Variants in CORO7 observed in about 807,000 individuals in gnomAD.
CORO7 encodes the protein coronin-7.
CORO7 carries 107 observed loss-of-function variants against 126.6 expected under a neutral mutation model. The ratio of observed to expected loss-of-function variants is 0.85; its 90% CI spans 0.72 to 0.99. The LOEUF is 0.99. Ranked by LOEUF, CORO7 falls within the 50% of genes least tolerant of loss-of-function variation. CORO7 has a pLI of 0.00. For missense variants in CORO7, 1,314 were observed against 1,255.8 expected (o/e 1.05, Z -0.70); for synonymous variants, 603 against 536.8 (o/e 1.12, Z -1.70).
At chr16:4,363,788 G>A (rs1684068973) in intron 14 of CORO7, among the ~76,000 whole-genome samples, 1 of 151,552 alleles carries the variant, frequency 6.6e-6, no homozygotes, top group Admixed American at 6.6e-5. Context: ...GGAGGCCGAG[G>A]CGGGTGGATC....
chr16:4,357,715 C>A (rs1463246040), intron 25 of CORO7: 1 of 557,868 alleles, frequency 1.8e-6, no homozygotes, highest in Non-Finnish European at 3.0e-6. Context: ...AATGGAGCCT[C>A]ACTGTATAAG....
rs745353996 is a variant in CORO7, at chr16:4,382,640, C to T, written c.785+5346G>A. ...CCCGCCCTGGCCGCGGTGCTCCTGG[C>T]CGCGCTGGCTGCGGTGGGGGCAGCC... On this transcript the variant is annotated intron_variant, in intron 9 of 27. Coordinates refer to ENST00000251166, the MANE Select transcript of CORO7 (RefSeq NM_024535.5). 7.7e-6 allele frequency: 12 copies of T among 1,559,916 alleles called. No individual in the cohort carries two copies. The African/African-American group carries it at 1.6e-4, about 21-fold the overall frequency.
At chr16:4,405,992 G>C (rs2055984385) in intron 5 of CORO7, among the ~76,000 whole-genome samples, 1 of 152,186 alleles carries the variant, frequency 6.6e-6, no homozygotes, top group Admixed American at 6.5e-5. Context: ...CCCCTAAAAA[G>C]ATGGTGAAGT....
intron 9 of CORO7, among the ~76,000 whole-genome samples, chr16:4,370,644 G>A (rs2054491269): frequency 6.6e-6 from 1 of 152,244 alleles, no homozygotes; most frequent in South Asian, 2.1e-4. Flanking sequence ...GCCCTGTGGG[G>A]AGAGGGCCCT....
intron 6 of CORO7, among the ~76,000 whole-genome samples, chr16:4,395,605 C>A (rs1176473498): frequency 6.6e-6 from 1 of 152,212 alleles, no homozygotes; most frequent in Non-Finnish European, 1.5e-5. Context: ...TTCCTGAGAC[C>A]TGCTCCACGT....
chr16:4,379,779 A>G (rs1421761527), intron 9 of CORO7, among the ~76,000 whole-genome samples: 1 of 151,298 alleles, frequency 6.6e-6, no homozygotes, highest in East Asian at 2.0e-4. Flanking sequence ...ACGGTGGCTC[A>G]TGCCTGTAAT....
intron 9 of CORO7, among the ~76,000 whole-genome samples, chr16:4,376,408 C>T (rs57054199): frequency 0.027 from 4,179 of 152,264 alleles, 179 homozygotes; most frequent in African/African-American, 0.092. Context: ...AGCGGGGGCC[C>T]GGAGTCTCAG....
At chr16:4,401,911 CTT>C (rs58167321) in intron 6 of CORO7, among the ~76,000 whole-genome samples, 361 of 139,818 alleles carry the variant, frequency 2.6e-3, no homozygotes, top group African/African-American at 8.8e-3. Context: ...TCTTTTTTTC[CTT>C]TTTTTTTTTT....
chr16:4,387,491 G>A lies in CORO7; in HGVS notation c.785+495C>T, dbSNP rs144738727. On this transcript the variant is annotated intron_variant, in intron 9 of 27. Transcript: ENST00000251166. ...CCATGTGGCTGGTGTGGAGTAGGCC[G>A]CATAAACCTCAGTGGGCCGCATAAG... Among the ~76,000 whole-genome samples, 206 of 151,966 alleles carry A rather than the reference G, an allele frequency of 1.4e-3. 1 individual carries two copies. The highest frequency in any genetic ancestry group is 4.5e-3 in the African/African-American group (188 of 41,426).
chr16:4,373,967 A>G (rs1304788330), intron 9 of CORO7, among the ~76,000 whole-genome samples: 2 of 152,162 alleles, frequency 1.3e-5, no homozygotes, highest in African/African-American at 4.8e-5. Flanking sequence ...ACCCCCCATC[A>G]GCTGCCCTTA....
chr16:4,381,043 G>C, intron 9 of CORO7: 1 of 1,610,696 alleles, frequency 6.2e-7, no homozygotes, highest in Non-Finnish European at 8.5e-7. Flanking sequence ...CGACACGGTG[G>C]GGCTGTACGT....
In CORO7 at chr16:4,359,538, G is replaced by T. The variant is rs764542703; in HGVS notation, c.2192C>A (p.Pro731His). 3.1e-5 allele frequency: 50 copies of T among 1,613,274 alleles called. No homozygotes were observed. The South Asian group carries it at 4.7e-4, about 15-fold the overall frequency. The change falls in exon 22 of 28, where the codon CCC becomes CAC. Residue 731 changes from proline (P) to histidine (H), a missense_variant. Transcript: ENST00000251166. The part of the protein sequence containing the change: ...PLAVLGLDVA[P>H]STLLPSYDPD... ...GTCGTAGCTGGGCAGCAGGGTTGAG[G>T]GAGCCACGTCCAGGCCCAACACTGC...
At chr16:4,381,465 G>C (rs565386785) in intron 9 of CORO7, 1 of 1,579,158 alleles carries the variant, frequency 6.3e-7, no homozygotes, top group Non-Finnish European at 8.6e-7. Flanking sequence ...ACGTGGAGGC[G>C]CTGCGGCTGG....
At chr16:4,360,416 G>A (rs2054126789) in intron 20 of CORO7, 28 bp downstream of exon 20, 1 of 1,612,956 alleles carries the variant, frequency 6.2e-7, no homozygotes, top group Admixed American at 1.7e-5. Context: ...CCAGGTCTGA[G>A]GCCACTCCCC....
intron 6 of CORO7, among the ~76,000 whole-genome samples, chr16:4,399,719 T>C (rs1262855113): frequency 6.6e-6 from 1 of 152,026 alleles, no homozygotes; most frequent in Non-Finnish European, 1.5e-5. Context: ...GTGAGATCCC[T>C]GTCGCTACAG....
intron 9 of CORO7, among the ~76,000 whole-genome samples, chr16:4,378,250 G>A (rs76813374): frequency 0.076 from 11,571 of 152,226 alleles, 525 homozygotes; most frequent in African/African-American, 0.12. Flanking sequence ...TCACAGCTTG[G>A]ACACCTCTGA....
intron 6 of CORO7, among the ~76,000 whole-genome samples, chr16:4,396,981 A>G (rs1406098937): frequency 6.8e-6 from 1 of 147,520 alleles, no homozygotes; most frequent in Non-Finnish European, 1.5e-5. Flanking sequence ...GCACCACTGC[A>G]CTCCAGCCTG....
Position 4,361,484 on chromosome 16 carries a change from C to T in CORO7, c.1579-15G>A. The stretch of plus-strand genomic sequence containing the variant: ...GGCTTCCGTAGCTGTGGGAGGTGCC[C>T]CCACCCCGAGGCCCATCAGTACCAG... On this transcript the variant is annotated splice_polypyrimidine_tract_variant and intron_variant, in intron 16 of 27. Transcript: ENST00000251166. 2.5e-6 allele frequency: 4 copies of T among 1,610,278 alleles called. No homozygotes were observed. The highest frequency in any genetic ancestry group is 2.2e-5 in the South Asian group (2 of 90,992).
At chr16:4,382,163 C>A in intron 9 of CORO7, 1 of 1,592,856 alleles carries the variant, frequency 6.3e-7, no homozygotes, top group Non-Finnish European at 8.5e-7. Flanking sequence ...CACCACCTGG[C>A]GTGCTTGTGC....
Sources: allele counts gnomAD v4.1 joint callset (sites outside exome capture counted in the v4.1 genomes callset), GRCh38; gene constraint gnomAD v4.1.1; transcripts MANE v1.5; gene names NCBI Gene and HGNC (gene_info 2026-07-23, HGNC 2026-07-21).